FSTL4: variants seen among roughly 807,000 people sequenced by gnomAD.
FSTL4 encodes the protein follistatin like 4.
In FSTL4, 28 loss-of-function variants were observed where a neutral mutation model predicts 78.2. That is an observed-to-expected ratio of 0.36 (90% confidence interval 0.27 to 0.49). FSTL4 has a LOEUF of 0.49. Among genes scored for constraint, FSTL4 ranks in the 20% least tolerant of loss-of-function variants. The probability of loss-of-function intolerance (pLI) is 0.98; values close to 1 mark genes in which losing one functional copy is unlikely to be tolerated. For missense variants in FSTL4, 922 were observed against 1,084.9 expected (o/e 0.85, Z 2.11); for synonymous variants, 422 against 440.5 (o/e 0.96, Z 0.53).
chr5:133,825,711 G>A, the FSTL4 span, among the ~76,000 whole-genome samples: 2 of 152,214 alleles, frequency 1.3e-5, no homozygotes, highest in African/African-American at 4.8e-5. Flanking sequence ...AGTGCCCTCG[G>A]TCTGGACTGG....
chr5:133,256,463 C>G (rs545770474), intron 6 of FSTL4: 34 of 152,224 alleles, frequency 2.2e-4, no homozygotes, highest in Admixed American at 2.2e-3. Context: ...CAACATCTCC[C>G]GGACCTTGTG....
At chr5:133,494,987 T>A (rs932983728) in intron 3 of FSTL4, among the ~76,000 whole-genome samples, 18 of 152,214 alleles carry the variant, frequency 1.2e-4, no homozygotes, top group African/African-American at 3.6e-4. Context: ...AACAACTGTC[T>A]CCATTCTGAG....
intron 3 of FSTL4, among the ~76,000 whole-genome samples, chr5:133,485,502 T>C (rs1758115399): frequency 6.6e-6 from 1 of 152,226 alleles, no homozygotes; most frequent in Non-Finnish European, 1.5e-5. Context: ...GCAACTCAAA[T>C]TAGGCTAAGG....
intron 2 of FSTL4, among the ~76,000 whole-genome samples, chr5:133,595,827 G>T (rs942031891): frequency 3.9e-5 from 6 of 152,196 alleles, no homozygotes; most frequent in African/African-American, 1.4e-4. Flanking sequence ...AAACCTAAAG[G>T]CTGGAGAGGG....
chr5:133,529,561 T>C (rs1389485532), intron 3 of FSTL4, among the ~76,000 whole-genome samples: 1 of 152,220 alleles, frequency 6.6e-6, no homozygotes, highest in East Asian at 1.9e-4. Context: ...ATTTATTGAA[T>C]TCTCCTAACT....
At chr5:133,291,041 C>T (rs1031851146) in intron 6 of FSTL4, among the ~76,000 whole-genome samples, 1 of 152,244 alleles carries the variant, frequency 6.6e-6, no homozygotes, top group Non-Finnish European at 1.5e-5. Context: ...AGCCTGCGCT[C>T]AAGGTCACGT....
chr5:133,269,098 C>T (rs1752705095), intron 6 of FSTL4, among the ~76,000 whole-genome samples: 1 of 147,268 alleles, frequency 6.8e-6, no homozygotes, highest in Non-Finnish European at 1.5e-5. Flanking sequence ...AGGAGAATGG[C>T]GTGAACCCGG....
intron 2 of FSTL4, among the ~76,000 whole-genome samples, chr5:133,596,022 A>G (rs1363843880): frequency 2.0e-5 from 3 of 152,254 alleles, no homozygotes; most frequent in African/African-American, 7.2e-5. Context: ...AACAACAAAC[A>G]TCCTGGAGGA....
the FSTL4 span, among the ~76,000 whole-genome samples, chr5:133,767,030 G>A: frequency 6.6e-6 from 1 of 152,204 alleles, no homozygotes; most frequent in Admixed American, 6.5e-5. Flanking sequence ...AGACAGAGTA[G>A]GAAAAGGTCA....
the FSTL4 span, among the ~76,000 whole-genome samples, chr5:133,764,665 G>C: frequency 6.6e-6 from 1 of 152,224 alleles, no homozygotes; most frequent in East Asian, 1.9e-4. Flanking sequence ...CACCAGGTTA[G>C]AAACCTCTGA....
At chr5:133,643,816 G>C in the FSTL4 span, among the ~76,000 whole-genome samples, 18,095 of 152,216 alleles carry the variant, frequency 0.12, 1,203 homozygotes, top group Admixed American at 0.22. Flanking sequence ...ACAATGATCA[G>C]AGAGAAAATC....
chr5:133,382,631 A>G (rs1285086984), intron 4 of FSTL4, among the ~76,000 whole-genome samples: 1 of 152,194 alleles, frequency 6.6e-6, no homozygotes, highest in Non-Finnish European at 1.5e-5. Flanking sequence ...AGGACCATGA[A>G]CGGTCAGATG....
chr5:133,320,644 C>T (rs1163154874), intron 4 of FSTL4, among the ~76,000 whole-genome samples: 1 of 152,184 alleles, frequency 6.6e-6, no homozygotes. Context: ...AGCTCTTTCA[C>T]GTAGTCCAGC....
intron 3 of FSTL4, among the ~76,000 whole-genome samples, chr5:133,559,109 T>C (rs932704450): frequency 6.6e-6 from 1 of 152,220 alleles, no homozygotes; most frequent in African/African-American, 2.4e-5. Context: ...TAGAACATAA[T>C]GGTCAGTTGC....
chr5:133,223,326 T>C (rs1321788236), intron 11 of FSTL4, among the ~76,000 whole-genome samples: 1 of 152,260 alleles, frequency 6.6e-6, no homozygotes, highest in Non-Finnish European at 1.5e-5. Flanking sequence ...TCTGAGTATG[T>C]GTCTGCATGC....
intron 6 of FSTL4, among the ~76,000 whole-genome samples, chr5:133,265,564 A>G: frequency 6.6e-6 from 1 of 152,280 alleles, no homozygotes; most frequent in Middle Eastern, 3.4e-3. Flanking sequence ...ACAAAAATAA[A>G]TTTCAATGAT....
the FSTL4 span, among the ~76,000 whole-genome samples, chr5:133,709,254 C>A: frequency 3.0e-3 from 453 of 152,262 alleles, 3 homozygotes; most frequent in African/African-American, 0.01. Flanking sequence ...GTGATTGGAC[C>A]AAACGTTTCC....
At position 133,299,868 on chromosome 5, in the gene FSTL4, C is replaced by G. The variant is rs547365074; in HGVS notation, c.727+12786G>C. 1.1e-3 allele frequency among the ~76,000 whole-genome samples: 161 copies of G among 152,284 alleles called. No homozygotes were observed. The Middle Eastern group carries it at 0.014, about 13-fold the overall frequency. ...TTGAACTGCATGGAATACAATTAGT[C>G]GGTACACTGTCTACAGGGCAGACAT... is the stretch of plus-strand genomic sequence containing the variant. On this transcript the variant is annotated intron_variant, in intron 6 of 15. Transcript: ENST00000265342.
At chr5:133,738,898 C>A in the FSTL4 span, among the ~76,000 whole-genome samples, 1 of 152,144 alleles carries the variant, frequency 6.6e-6, no homozygotes, top group African/African-American at 2.4e-5. Context: ...ACCTAACCCA[C>A]ACTTCCTCCT....
Sources: allele counts gnomAD v4.1 joint callset (sites outside exome capture counted in the v4.1 genomes callset), GRCh38; gene constraint gnomAD v4.1.1; transcripts MANE v1.5; gene names NCBI Gene and HGNC (gene_info 2026-07-23, HGNC 2026-07-21).